The following CDYL2 variants were observed in gnomAD, a reference collection of about 807,000 sequenced individuals.
CDYL2 encodes the protein chromodomain Y-like protein 2.
A neutral mutation model predicts 49.4 loss-of-function variants in CDYL2; 23 were observed. The ratio of observed to expected loss-of-function variants is 0.47; its 90% CI spans 0.34 to 0.66. The LOEUF (loss-of-function observed/expected upper bound fraction) is 0.66. CDYL2 is among the 30% of genes least tolerant of loss of function. CDYL2 has a pLI of 0.01. For synonymous variants in CDYL2, 360 were observed against 268.8 expected (o/e 1.34, Z -3.32); for missense variants, 678 against 656.4 (o/e 1.03, Z -0.36).
intron 1 of CDYL2, among the ~76,000 whole-genome samples, chr16:80,769,932 G>C (rs917131122): frequency 6.6e-6 from 1 of 152,084 alleles, no homozygotes; most frequent in Non-Finnish European, 1.5e-5. Flanking sequence ...TTAAGAATAA[G>C]AGGACTACAC....
In CDYL2 at chr16:80,759,554, T is replaced by C. The variant is rs76034859; in HGVS notation, c.24+44596A>G. 5.8e-3 allele frequency among the ~76,000 whole-genome samples: 891 copies of C among 152,330 alleles called. 6 individuals are homozygous for C. Among genetic ancestry groups the C allele is most frequent in the African/African-American group, 0.021 (862 of 41,566 alleles). On this transcript the variant is annotated intron_variant, in intron 1 of 6. Transcript: ENST00000570137. Reference sequence around the variant, plus strand: ...CTGAATCAGTGGGCAGGAAAAGTTTTGTGATGATGGTTATGAGTGCATCGA... The same window carrying C: ...CTGAATCAGTGGGCAGGAAAAGTTTCGTGATGATGGTTATGAGTGCATCGA...
chr16:80,738,156 G>C (rs1399433745), intron 1 of CDYL2, among the ~76,000 whole-genome samples: 1 of 152,010 alleles, frequency 6.6e-6, no homozygotes, highest in Non-Finnish European at 1.5e-5. Flanking sequence ...TGAGAATGAT[G>C]GTTTCCAGCT....
intron 1 of CDYL2, among the ~76,000 whole-genome samples, chr16:80,754,057 T>G (rs1906226874): frequency 6.6e-6 from 1 of 152,234 alleles, no homozygotes; most frequent in Non-Finnish European, 1.5e-5. Context: ...TGCATCATCT[T>G]ATTTAATCCT....
At chr16:80,642,567 C>A (rs779357731) in intron 2 of CDYL2, among the ~76,000 whole-genome samples, 2 of 152,102 alleles carry the variant, frequency 1.3e-5, no homozygotes, top group Non-Finnish European at 2.9e-5. Context: ...TCCGTTTTCA[C>A]GCTGCTGACA....
intron 2 of CDYL2, among the ~76,000 whole-genome samples, chr16:80,642,229 G>A (rs1440255292): frequency 6.6e-6 from 1 of 152,114 alleles, no homozygotes; most frequent in East Asian, 1.9e-4. Flanking sequence ...CTTCACTTGA[G>A]GTCAGGAGTT....
At chr16:80,626,781 G>GT (rs960962527) in intron 3 of CDYL2, among the ~76,000 whole-genome samples, 2 of 152,168 alleles carry the variant, frequency 1.3e-5, no homozygotes, top group African/African-American at 2.4e-5. Context: ...GGAAAATACT[G>GT]TTTTTTAAGG....
chr16:80,633,025 T>C lies in CDYL2; in HGVS notation c.828A>G (p.Thr276=). The C allele has an allele frequency of 1.2e-6, 2 of 1,613,464 alleles. No homozygotes were observed. The highest frequency in any genetic ancestry group is 1.7e-6 in the Non-Finnish European group (2 of 1,179,468). ...SSQTSDNNAL[T]PEIMKEVRRA... is the part of the protein sequence containing the mutation. ...TCTGGCCGCCACCCCTTACCTCAGG[T>C]GTCAGGGCATTGTTATCCGAGGTCT... The change falls in exon 3 of 7, where the codon ACA becomes ACG. Residue 276 remains threonine (T), a synonymous_variant. Transcript: ENST00000570137.
chr16:80,769,942 C>A lies in CDYL2; in HGVS notation c.24+34208G>T, dbSNP rs977647362. On this transcript the variant is annotated intron_variant, in intron 1 of 6. Coordinates refer to ENST00000570137, the MANE Select transcript of CDYL2 (RefSeq NM_152342.4). Reference sequence around the variant, plus strand: ...AGGGTTTAAGAATAAGAGGACTACACAACTTTAAAATGAAATGGATTTTTC... The same window carrying A: ...AGGGTTTAAGAATAAGAGGACTACAAAACTTTAAAATGAAATGGATTTTTC... Among the ~76,000 whole-genome samples, 10 of 152,216 alleles carry A rather than the reference C, an allele frequency of 6.6e-5. No homozygotes were observed. The East Asian group carries it at 1.7e-3, about 26-fold the overall frequency.
At chr16:80,748,166 A>T (rs965276106) in intron 1 of CDYL2, among the ~76,000 whole-genome samples, 1 of 135,790 alleles carries the variant, frequency 7.4e-6, no homozygotes, top group Admixed American at 7.3e-5. Flanking sequence ...AATAATAATA[A>T]TATAAAGAAA....
chr16:80,632,772 G>C (rs1211442086), intron 3 of CDYL2: 1 of 477,482 alleles, frequency 2.1e-6, no homozygotes, highest in Non-Finnish European at 3.8e-6. Flanking sequence ...TCCACGATCA[G>C]TTCAGTGAGT....
intron 1 of CDYL2, among the ~76,000 whole-genome samples, chr16:80,749,643 A>C (rs1420907697): frequency 2.0e-5 from 3 of 152,202 alleles, no homozygotes; most frequent in African/African-American, 7.2e-5. Flanking sequence ...CTACAAAATA[A>C]GGACAACAAC....
At position 80,781,308 on chromosome 16, in the gene CDYL2, C is replaced by T. The variant is rs200786584; in HGVS notation, c.24+22842G>A. On this transcript the variant is annotated intron_variant, in intron 1 of 6. Transcript: ENST00000570137. ...AATAACAAAATGATTTTTTTAAATA[C>T]TAATATTGTTCAATCCATCAAGAAG... 1.1e-4 allele frequency among the ~76,000 whole-genome samples: 16 copies of T among 152,166 alleles called. No individual in the cohort carries two copies. The East Asian group carries it at 2.9e-3, about 28-fold the overall frequency.
At chr16:80,745,192 C>T (rs138959471) in intron 1 of CDYL2, among the ~76,000 whole-genome samples, 3 of 152,146 alleles carry the variant, frequency 2.0e-5, no homozygotes, top group Non-Finnish European at 2.9e-5. Flanking sequence ...GCCCGAGGGT[C>T]CCCCAGCTAG....
intron 2 of CDYL2, among the ~76,000 whole-genome samples, chr16:80,657,847 C>T (rs149457600): frequency 0.012 from 1,754 of 152,106 alleles, 14 homozygotes; most frequent in Middle Eastern, 0.041. Flanking sequence ...TATATATATG[C>T]ATAAAATTAT....
intron 1 of CDYL2, among the ~76,000 whole-genome samples, chr16:80,698,383 T>G (rs77188705): frequency 0.058 from 8,903 of 152,194 alleles, 370 homozygotes; most frequent in African/African-American, 0.12. Context: ...ATATCCAGAA[T>G]ATACAAGGAA....
At position 80,684,558 on chromosome 16, in the gene CDYL2, G is replaced by A. The variant is rs372394862; in HGVS notation, c.596C>T (p.Thr199Ile). 1.9e-6 allele frequency: 3 copies of A among 1,613,762 alleles called. No individual in the cohort carries two copies. The highest frequency in any genetic ancestry group is 2.7e-5 in the African/African-American group (2 of 74,928). The change falls in exon 2 of 7, where the codon ACA (threonine) becomes ATA (isoleucine). Residue 199 changes from threonine to isoleucine, a missense_variant. Transcript: ENST00000570137. The stretch of plus-strand genomic sequence containing the variant: ...CAAACCGAGCCCGTTCTCCGCCAGT[G>A]TAGCGTGATTCACGTCACATTCACC... Reference protein sequence around the residue: ...DMGECDVNHATLAENGLGSAL... With the variant: ...DMGECDVNHAILAENGLGSAL...
chr16:80,728,756 G>C (rs1399777002), intron 1 of CDYL2, among the ~76,000 whole-genome samples: 1 of 152,140 alleles, frequency 6.6e-6, no homozygotes, highest in East Asian at 1.9e-4. Flanking sequence ...GGATCTCTCG[G>C]CAGAAACTCT....
intron 1 of CDYL2, among the ~76,000 whole-genome samples, chr16:80,798,137 C>T (rs942812169): frequency 6.6e-6 from 1 of 152,088 alleles, no homozygotes; most frequent in African/African-American, 2.4e-5. Flanking sequence ...GCCTTCCAGA[C>T]TCAAGCAATC....
At chr16:80,610,988 C>G (rs1245394882) in intron 5 of CDYL2, among the ~76,000 whole-genome samples, 3 of 152,196 alleles carry the variant, frequency 2.0e-5, no homozygotes, top group Non-Finnish European at 4.4e-5. Context: ...ATCCCTCGCC[C>G]TCTCCCCACC....
Sources: allele counts gnomAD v4.1 joint callset (sites outside exome capture counted in the v4.1 genomes callset), GRCh38; gene constraint gnomAD v4.1.1; transcripts MANE v1.5; gene names NCBI Gene and HGNC (gene_info 2026-07-23, HGNC 2026-07-21).